MR1: variants seen among roughly 807,000 people sequenced by gnomAD.
The protein encoded by MR1 is major histocompatibility complex, class I-related, also known as major histocompatibility complex class I-related protein 1.
In MR1, 44 loss-of-function variants were observed where a neutral mutation model predicts 37.8. The ratio of observed to expected loss-of-function variants is 1.16; its 90% CI spans 0.91 to 1.50. The LOEUF (loss-of-function observed/expected upper bound fraction) is 1.50. MR1 is among the 40% of genes most tolerant of loss of function. The pLI, the probability that MR1 is intolerant of heterozygous loss-of-function variation, is 0.00. For missense variants in MR1, 386 were observed against 419.1 expected (o/e 0.92, Z 0.69); for synonymous variants, 153 against 155.8 (o/e 0.98, Z 0.13).
In MR1 at chr1:181,058,462, C is replaced by T. The variant is rs1439658909; in HGVS notation, c.*3197C>T. 1 of 152,152 alleles carries T rather than the reference C, an allele frequency of 6.6e-6. No individual in the cohort carries two copies. Among genetic ancestry groups the T allele is most frequent in the Non-Finnish European group, 1.5e-5 (1 of 68,040 alleles). 9.4% of individuals were successfully genotyped at this position (152,152 alleles called of 1,614,324 possible). ...AAGGGAGAGAAAGCAGTTTAAAGAGCAGGGTGAAAAATCCAACAAGACTCC... is the reference window on the plus strand; with the variant it reads ...AAGGGAGAGAAAGCAGTTTAAAGAGTAGGGTGAAAAATCCAACAAGACTCC... On this transcript the variant is annotated 3_prime_UTR_variant, in exon 6 of 6. Coordinates refer to ENST00000367580, the MANE Select transcript of MR1 (RefSeq NM_001385161.1).
At chr1:181,044,190 C>T (rs1295163660) in intron 1 of MR1, among the ~76,000 whole-genome samples, 1 of 152,102 alleles carries the variant, frequency 6.6e-6, no homozygotes, top group African/African-American at 2.4e-5. Flanking sequence ...GTCTCGATCT[C>T]CTGACCTCAT....
At chr1:181,042,200 AT>A (rs373949499) in intron 1 of MR1, among the ~76,000 whole-genome samples, 2,425 of 134,100 alleles carry the variant, frequency 0.018, 43 homozygotes, top group African/African-American at 0.057. Flanking sequence ...ATCAAAGATA[AT>A]TTTTTTTTTT....
Position 181,055,430 on chromosome 1 carries a change from C to T in MR1, c.*165C>T. 1.6e-6 allele frequency: 1 copy of T among 615,494 alleles called. No homozygotes were observed. Among genetic ancestry groups the T allele is most frequent in the Non-Finnish European group, 2.9e-6 (1 of 350,156 alleles). The allele number at this position is 615,494 out of a possible 1,614,324, so 38.1% of individuals were successfully genotyped here. A position where few individuals can be genotyped will look rare whatever the true frequency, so the allele number is the denominator to read the frequency against. On this transcript the variant is annotated 3_prime_UTR_variant, in exon 6 of 6. Coordinates refer to ENST00000367580, the MANE Select transcript of MR1 (RefSeq NM_001385161.1). ...AGCAACAGAGGAGCCACAAAATGTTCTTTGTTCTTTGGCTCCAAAAAGACT... is the reference window on the plus strand; with the variant it reads ...AGCAACAGAGGAGCCACAAAATGTTTTTTGTTCTTTGGCTCCAAAAAGACT...
intron 5 of MR1, among the ~76,000 whole-genome samples, chr1:181,054,554 G>A (rs2331993): frequency 0.1 from 15,694 of 152,136 alleles, 1,383 homozygotes; most frequent in East Asian, 0.34. Context: ...CCTTTTACTA[G>A]AAAATCAGCT....
In MR1 at chr1:181,042,351, G is replaced by A. The variant is rs12036171; in HGVS notation, c.68-6701G>A. Among the ~76,000 whole-genome samples, 3 of 151,474 alleles carry A rather than the reference G, an allele frequency of 2.0e-5. No individual in the cohort carries two copies. The South Asian group carries it at 6.2e-4, about 31-fold the overall frequency. On this transcript the variant is annotated intron_variant, in intron 1 of 5. Coordinates refer to ENST00000367580, the MANE Select transcript of MR1 (RefSeq NM_001385161.1). ...CTAGTAGCTGGGATTACAGGCATGC[G>A]CCACCATGCCTGGCTAATTTTATAT...
chr1:181,039,578 C>T (rs917843971), intron 1 of MR1, among the ~76,000 whole-genome samples: 1 of 152,086 alleles, frequency 6.6e-6, no homozygotes, highest in Non-Finnish European at 1.5e-5. Context: ...ATAATTGCCC[C>T]CATGAGGCCG....
chr1:181,049,148 T>G lies in MR1; in HGVS notation c.164T>G (p.Ile55Ser). The part of the protein sequence containing the change: ...ISVGYVDSHP[I>S]TTYDSVTRQK... ...GTTGGGTACGTGGACTCGCACCCTATCACCACATATGACAGTGTCACTCGG... is the reference window on the plus strand; with the variant it reads ...GTTGGGTACGTGGACTCGCACCCTAGCACCACATATGACAGTGTCACTCGG... Residue 55 changes from isoleucine to serine, a missense_variant, in exon 2 of 6, where the codon ATC (isoleucine) becomes AGC (serine). Transcript: ENST00000367580. 6.2e-7 allele frequency: 1 copy of G among 1,614,198 alleles called. No individual in the cohort carries two copies. Among genetic ancestry groups the G allele is most frequent in the Non-Finnish European group, 8.5e-7 (1 of 1,180,030 alleles).
intron 1 of MR1, among the ~76,000 whole-genome samples, chr1:181,047,396 C>G (rs141749661): frequency 6.6e-6 from 1 of 150,528 alleles, no homozygotes; most frequent in African/African-American, 2.5e-5. Context: ...GTCAGGAATT[C>G]GAGACCAGCC....
chr1:181,039,637 G>T (rs528983009), intron 1 of MR1, among the ~76,000 whole-genome samples: 1 of 152,200 alleles, frequency 6.6e-6, no homozygotes, highest in East Asian at 1.9e-4. Flanking sequence ...AGGCTGAGGT[G>T]GGTGGATCAC....
intron 1 of MR1, chr1:181,037,060 T>C (rs188583019): frequency 2.0e-5 from 3 of 152,346 alleles, no homozygotes; most frequent in African/African-American, 7.2e-5. Flanking sequence ...TGGCATGAGA[T>C]TTCTCATGCA....
At chr1:181,038,019 C>T (rs780649423) in intron 1 of MR1, among the ~76,000 whole-genome samples, 1 of 152,220 alleles carries the variant, frequency 6.6e-6, no homozygotes, top group Non-Finnish European at 1.5e-5. Flanking sequence ...TAATCTTTAT[C>T]TCCACCTGAC....
intron 2 of MR1, chr1:181,049,760 C>T (rs1658189740): frequency 1.8e-6 from 1 of 544,914 alleles, no homozygotes; most frequent in Non-Finnish European, 3.3e-6. Flanking sequence ...TCAGTCATTC[C>T]CATTACAGGA....
At position 181,056,326 on chromosome 1, in the gene MR1, TGCA is replaced by T. The variant is rs1312759055; in HGVS notation, c.*1062_*1064del. ...TTGCAGTGAGCCGAGATCACGCCAC[TGCA>T]CTCCAGCCTGGCGACAGAGTGAGAC... is the stretch of plus-strand genomic sequence containing the variant. On this transcript the variant is annotated 3_prime_UTR_variant, in exon 6 of 6. Transcript: ENST00000367580. 4 of 151,522 alleles carry T rather than the reference TGCA, an allele frequency of 2.6e-5. No homozygotes were observed. The highest frequency in any genetic ancestry group is 5.9e-5 in the Non-Finnish European group (4 of 67,920). 9.4% of individuals were successfully genotyped at this position (151,522 alleles called of 1,614,324 possible). A position where few individuals can be genotyped will look rare whatever the true frequency, so the allele number is the denominator to read the frequency against.
chr1:181,054,354 G>T (rs1171736192), intron 5 of MR1, among the ~76,000 whole-genome samples: 19 of 152,152 alleles, frequency 1.2e-4, no homozygotes. Context: ...TTACAATAGA[G>T]CCTGGTAAGG....
At chr1:181,052,799 G>A (rs577457601) in intron 4 of MR1, among the ~76,000 whole-genome samples, 1 of 152,340 alleles carries the variant, frequency 6.6e-6, no homozygotes, top group African/African-American at 2.4e-5. Context: ...GGGTGCAGTG[G>A]CTCATGCCTG....
intron 1 of MR1, among the ~76,000 whole-genome samples, chr1:181,042,666 C>T (rs371846109): frequency 2.0e-5 from 3 of 151,642 alleles, no homozygotes; most frequent in East Asian, 2.0e-4. Context: ...ATTAGCCAGG[C>T]GTGATGGTGG....
At chr1:181,035,541 C>A (rs933662303) in intron 1 of MR1, among the ~76,000 whole-genome samples, 1 of 151,906 alleles carries the variant, frequency 6.6e-6, no homozygotes, top group Non-Finnish European at 1.5e-5. Flanking sequence ...AGGAGAGAGG[C>A]AAAGGGTGAT....
intron 1 of MR1, among the ~76,000 whole-genome samples, chr1:181,034,463 C>G (rs1227999790): frequency 1.7e-5 from 2 of 115,186 alleles, no homozygotes; most frequent in Admixed American, 1.9e-4. Context: ...ATCCATTGTT[C>G]AGGTTTATTT....
Position 181,061,348 on chromosome 1 carries a change from A to G in MR1, c.*6083A>G, listed in dbSNP as rs1658890388. 1 of 152,248 alleles carries G rather than the reference A, an allele frequency of 6.6e-6. No individual in the cohort carries two copies. The highest frequency in any genetic ancestry group is 6.5e-5 in the Admixed American group (1 of 15,292). 9.4% of individuals were successfully genotyped at this position (152,248 alleles called of 1,614,324 possible). On this transcript the variant is annotated 3_prime_UTR_variant, in exon 6 of 6. Coordinates refer to ENST00000367580, the MANE Select transcript of MR1 (RefSeq NM_001385161.1). ...CCAGGCCAGGTCACCCGGCTTGGCC[A>G]GCAGAACACAGAGTAGATTTTGGTC...
Sources: allele counts gnomAD v4.1 joint callset (sites outside exome capture counted in the v4.1 genomes callset), GRCh38; gene constraint gnomAD v4.1.1; transcripts MANE v1.5; gene names NCBI Gene and HGNC (gene_info 2026-07-23, HGNC 2026-07-21).